The following TESMIN variants were observed in gnomAD, a reference collection of about 807,000 sequenced individuals.
TESMIN encodes the protein testis expressed metallothionein like protein.
TESMIN carries 34 observed loss-of-function variants against 47.4 expected under a neutral mutation model. That is an observed-to-expected ratio of 0.72 (90% CI 0.55 to 0.96). TESMIN has a LOEUF of 0.96. TESMIN is among the 40% of genes least tolerant of loss of function. TESMIN has a pLI of 0.00. For synonymous variants in TESMIN, 278 were observed against 258.9 expected (o/e 1.07, Z -0.71); for missense variants, 610 against 637.2 (o/e 0.96, Z 0.46).
downstream of TESMIN, among the ~76,000 whole-genome samples, chr11:68,706,397 C>G (rs1945998078): frequency 6.6e-6 from 1 of 152,238 alleles, no homozygotes; most frequent in African/African-American, 2.4e-5. Flanking sequence ...AGCGCAGGCT[C>G]CTGTGCAAAG....
intron 6 of TESMIN, among the ~76,000 whole-genome samples, chr11:68,718,717 C>CTATGG: frequency 6.6e-6 from 1 of 152,254 alleles, no homozygotes; most frequent in South Asian, 2.1e-4. Flanking sequence ...AGATGATCCT[C>CTATGG]TATGGTTCTA....
rs762831181 is a variant in TESMIN at position 68,738,742 on chromosome 11, G to A, written c.875C>T (p.Ser292Leu). 18 of 1,613,898 alleles carry A rather than the reference G, an allele frequency of 1.1e-5. No individual in the cohort carries two copies. Among genetic ancestry groups the A allele is most frequent in the South Asian group, 7.7e-5 (7 of 91,074 alleles). ...TGGTGGTCCTGGAAGAGTTGATCCCGAGGGGAAAGCAGACCCGTTGACTAC... is the reference window on the plus strand; with the variant it reads ...TGGTGGTCCTGGAAGAGTTGATCCCAAGGGGAAAGCAGACCCGTTGACTAC... ...PSVVNGSAFP[S>L]GSTLPGPPKI... is the part of the protein sequence containing the mutation. The change falls in exon 6 of 10, where the codon TCG becomes TTG. Residue 292 changes from serine (S) to leucine (L), a missense_variant. By Grantham distance (145) the Ser-to-Leu change is moderately radical (BLOSUM62 -2). Coordinates refer to ENST00000255087, the MANE Select transcript of TESMIN (RefSeq NM_004923.3).
chr11:68,750,483 T>C lies in TESMIN; in HGVS notation c.178A>G (p.Lys60Glu), dbSNP rs772631063. 6.2e-7 allele frequency: 1 copy of C among 1,602,500 alleles called. No individual in the cohort carries two copies. The highest frequency in any genetic ancestry group is 8.5e-7 in the Non-Finnish European group (1 of 1,175,168). The change falls in exon 2 of 10, where the codon AAG (lysine) becomes GAG (glutamate). Residue 60 changes from lysine (K) to glutamate (E), a missense_variant. Physicochemically the swap from Lys to Glu is moderately conservative, Grantham distance 56. Coordinates refer to ENST00000255087, the MANE Select transcript of TESMIN (RefSeq NM_004923.3). ...KEAYLGPADPKEPVLHAFNPA... is the reference protein window; with the variant it reads ...KEAYLGPADPEEPVLHAFNPA... ...TTGAACGCGTGCAGGACGGGTTCCT[T>C]GGGGTCCGCCGGGCCCAGGTACGCT...
In TESMIN at chr11:68,744,997, G is replaced by A; in HGVS notation, c.745C>T (p.Gln249Ter). ...PQYQDQNNYL[Q>*]SDVPKPMTAL... ...TTATTAATTAACTTTGTACCTGACT[G>A]TAGATAATTATTTTGATCTTGATAC... The change falls in exon 4 of 10, where the codon CAG (glutamine) becomes TAG (stop). Residue 249 changes from glutamine to a stop codon, truncating the protein, a stop_gained. Coordinates refer to ENST00000255087, the MANE Select transcript of TESMIN (RefSeq NM_004923.3). LOFTEE classifies it high-confidence loss of function. The A allele has an allele frequency of 6.4e-7, 1 of 1,559,520 alleles. No homozygotes were observed. Among genetic ancestry groups the A allele is most frequent in the Non-Finnish European group, 8.6e-7 (1 of 1,159,748 alleles).
At chr11:68,721,762 G>A (rs1186626029) in intron 6 of TESMIN, among the ~76,000 whole-genome samples, 2 of 152,160 alleles carry the variant, frequency 1.3e-5, no homozygotes, top group African/African-American at 4.8e-5. Flanking sequence ...AATTAACCTC[G>A]CTTTCAACTT....
intron 3 of TESMIN, among the ~76,000 whole-genome samples, chr11:68,746,825 C>G (rs1332541055): frequency 6.6e-6 from 1 of 152,166 alleles, no homozygotes; most frequent in East Asian, 1.9e-4. Flanking sequence ...TACCTGTTAT[C>G]ATGAGAGATT....
At chr11:68,747,146 T>C (rs1250892147) in intron 3 of TESMIN, 62 bp downstream of exon 3, 1 of 1,514,836 alleles carries the variant, frequency 6.6e-7, no homozygotes, top group South Asian at 1.1e-5. Flanking sequence ...GTCGACTTAG[T>C]AATGATGGGG....
chr11:68,722,531 A>C (rs1165657731), intron 6 of TESMIN, among the ~76,000 whole-genome samples: 1 of 152,240 alleles, frequency 6.6e-6, no homozygotes, highest in East Asian at 1.9e-4. Context: ...CTTCAAAAAA[A>C]AAAAGTTGTT....
At chr11:68,732,831 C>G (rs1946344601) in intron 6 of TESMIN, 1 of 152,220 alleles carries the variant, frequency 6.6e-6, no homozygotes, top group Non-Finnish European at 1.5e-5. Context: ...AACTAAGTTT[C>G]ACGGACTTCT....
intron 2 of TESMIN, among the ~76,000 whole-genome samples, chr11:68,748,347 C>G (rs1327289480): frequency 2.0e-5 from 3 of 152,200 alleles, no homozygotes; most frequent in Non-Finnish European, 4.4e-5. Flanking sequence ...TAAAGTTTAG[C>G]TATATTTTAA....
chr11:68,710,294 C>G (rs1270805585), intron 9 of TESMIN, among the ~76,000 whole-genome samples: 1 of 152,100 alleles, frequency 6.6e-6, no homozygotes. Context: ...TTACATTGAA[C>G]TCGAAGTTTT....
At chr11:68,738,006 T>A in intron 6 of TESMIN, 1 of 985,548 alleles carries the variant, frequency 1.0e-6, no homozygotes, top group Non-Finnish European at 1.2e-6. Flanking sequence ...ATCTCCATAA[T>A]CAACTACAGG....
intron 6 of TESMIN, chr11:68,736,435 C>A: frequency 1.0e-6 from 1 of 985,434 alleles, no homozygotes; most frequent in Non-Finnish European, 1.2e-6. Context: ...CTGAACCACA[C>A]TGGGCTGACA....
At chr11:68,730,876 C>T (rs1946319099) in intron 6 of TESMIN, among the ~76,000 whole-genome samples, 1 of 151,948 alleles carries the variant, frequency 6.6e-6, no homozygotes, top group African/African-American at 2.4e-5. Context: ...CTTCAGTTTA[C>T]ATCAACACCA....
At position 68,713,365 on chromosome 11, in the gene TESMIN, C is replaced by T; in HGVS notation, c.1063G>A (p.Gly355Arg). Residue 355 changes from glycine (G) to arginine (R), a missense_variant, in exon 8 of 10, where the codon GGG (glycine) becomes AGG (arginine). Coordinates refer to ENST00000255087, the MANE Select transcript of TESMIN (RefSeq NM_004923.3). ...TTGACATTGCCCAATTGGCCCTTCC[C>T]AATTTTTGGCTGGAAAGCTTCTGGA... The part of the protein sequence containing the change: ...RNPEAFQPKI[G>R]KGQLGNVKPQ... 1 of 1,614,166 alleles carries T rather than the reference C, an allele frequency of 6.2e-7. No individual in the cohort carries two copies. The highest frequency in any genetic ancestry group is 1.1e-5 in the South Asian group (1 of 91,080).
At chr11:68,738,189 A>G (rs957171126) in intron 6 of TESMIN, 1 of 986,430 alleles carries the variant, frequency 1.0e-6, no homozygotes, top group Admixed American at 6.1e-5. Flanking sequence ...GGTCCCAGAT[A>G]AGTGCAGCCT....
At chr11:68,713,830 G>C (rs908260265) in intron 7 of TESMIN, among the ~76,000 whole-genome samples, 1 of 151,926 alleles carries the variant, frequency 6.6e-6, no homozygotes, top group Non-Finnish European at 1.5e-5. Context: ...TCTTTCCATG[G>C]GATTTATATA....
intron 6 of TESMIN, among the ~76,000 whole-genome samples, chr11:68,731,527 A>G (rs1317648390): frequency 6.6e-6 from 1 of 152,258 alleles, no homozygotes; most frequent in Admixed American, 6.5e-5. Flanking sequence ...TATACAGCAG[A>G]GACTCCCATG....
At chr11:68,740,485 T>TA (rs1429776690) in intron 5 of TESMIN, among the ~76,000 whole-genome samples, 1 of 152,102 alleles carries the variant, frequency 6.6e-6, no homozygotes, top group East Asian at 1.9e-4. Context: ...TGGAAGATCT[T>TA]AGAGGTGAAA....
Sources: gnomAD v4.1 joint callset for allele counts (sites outside exome capture counted in the v4.1 genomes callset) on GRCh38, gnomAD v4.1.1 for gene constraint, MANE v1.5 for transcripts, NCBI Gene and HGNC (gene_info 2026-07-23, HGNC 2026-07-21) for gene names.